LYRM9: variants seen among roughly 807,000 people sequenced by gnomAD.
The protein encoded by LYRM9 is LYR motif containing 9.
Under a neutral mutation model 12.6 loss-of-function variants are expected in LYRM9, and 14 were observed. That is an observed-to-expected ratio of 1.11 (90% CI 0.73 to 1.73). The LOEUF is 1.73. Among genes scored for constraint, LYRM9 ranks in the 40% most tolerant of loss-of-function variants. The pLI is 0.00. For synonymous variants in LYRM9, 42 were observed against 35.1 expected, an observed-to-expected ratio of 1.20 and a Z score of -0.69; for missense variants, 94 against 95.0, an observed-to-expected ratio of 0.99 and a Z score of 0.04.
Position 27,882,771 on chromosome 17 carries a change from AC to A in LYRM9, c.-18-60del, listed in dbSNP as rs572489508. 705 of 1,488,258 alleles carry A rather than the reference AC, an allele frequency of 4.7e-4. 5 individuals carry two copies. The African/African-American group carries it at 8.9e-3, about 19-fold the overall frequency. 92.2% of individuals were successfully genotyped at this position (1,488,258 alleles called of 1,614,324 possible). The stretch of plus-strand genomic sequence containing the variant: ...AAGCCAAGTTCAGTACTCAGCCCTG[AC>A]CCCCAGTTCCCAGTACTCTGGGAAG... On this transcript the variant is annotated intron_variant, in intron 1 of 3. Coordinates refer to ENST00000379102, the MANE Select transcript of LYRM9 (RefSeq NM_001076680.3).
chr17:27,880,587 G>A, intron 2 of LYRM9: 1 of 572,608 alleles, frequency 1.7e-6, no homozygotes, highest in South Asian at 2.2e-5. Context: ...TGACTGCAAA[G>A]CATGTACTCC....
chr17:27,887,713 G>GGGGGGT (rs1485417792), intron 1 of LYRM9, among the ~76,000 whole-genome samples: 5 of 86,730 alleles, frequency 5.8e-5, no homozygotes, highest in African/African-American at 8.4e-5. Flanking sequence ...TAGGAGGGAG[G>GGGGGGT]GTGTGTGTGT....
chr17:27,879,712 G>T (rs1183629016), intron 3 of LYRM9: 4 of 559,500 alleles, frequency 7.1e-6, no homozygotes, highest in Non-Finnish European at 1.3e-5. Context: ...GGCTGGGGAG[G>T]GAGGATAGTG....
At chr17:27,882,040 C>T (rs1158350335) in intron 2 of LYRM9, among the ~76,000 whole-genome samples, 1 of 152,176 alleles carries the variant, frequency 6.6e-6, no homozygotes, top group Non-Finnish European at 1.5e-5. Context: ...CAGACATGAG[C>T]CACCATGCCT....
At chr17:27,879,881 A>C (rs1904983834) in intron 3 of LYRM9, 1 of 579,668 alleles carries the variant, frequency 1.7e-6, no homozygotes, top group African/African-American at 1.9e-5. Context: ...TTTCCTCCAT[A>C]ATTCTGCCCC....
intron 1 of LYRM9, 48 bp downstream of exon 1, chr17:27,893,269 T>TGCCCCCGC (rs1455328803): frequency 6.5e-5 from 10 of 153,144 alleles, no homozygotes; most frequent in South Asian, 3.7e-4. Context: ...CGGCCGCCGC[T>TGCCCCCGC]GCCCCCGCGC....
chr17:27,881,587 G>A (rs555171716), intron 2 of LYRM9, among the ~76,000 whole-genome samples: 53 of 152,158 alleles, frequency 3.5e-4, no homozygotes, highest in African/African-American at 1.2e-3. Context: ...TGCTACACTC[G>A]CTTTATCATT....
intron 1 of LYRM9, chr17:27,883,119 A>T (rs1365526939): frequency 8.9e-6 from 4 of 447,222 alleles, no homozygotes; most frequent in Non-Finnish European, 1.9e-5. Flanking sequence ...GAGAATGCCT[A>T]CAGGCCTGAG....
intron 2 of LYRM9, among the ~76,000 whole-genome samples, chr17:27,882,348 C>T (rs1905087996): frequency 6.6e-6 from 1 of 152,220 alleles, no homozygotes; most frequent in African/African-American, 2.4e-5. Context: ...TTAGCTGCCT[C>T]ATGCATGCCC....
At chr17:27,882,737 C>T (rs372285141) in intron 1 of LYRM9, 25 bp from the exon 2 acceptor site, 12 of 1,552,864 alleles carry the variant, frequency 7.7e-6, no homozygotes, top group East Asian at 7.0e-5. Flanking sequence ...GGATCACTTC[C>T]AGGGCATCAA....
At position 27,886,718 on chromosome 17, in the gene LYRM9, C is replaced by T. The variant is rs1905245765; in HGVS notation, c.-18-4006G>A. ...AGGCTGGAGTGCAATGGCGCAATCT[C>T]GACCGCAACCTCCGCCTCCTGGGTT... On this transcript the variant is annotated intron_variant, in intron 1 of 3. Transcript: ENST00000379102. This position sits in a 1 kb window ranked among gnomAD's most constrained non-coding sequence, Gnocchi z 4.8. 6.6e-6 allele frequency among the ~76,000 whole-genome samples: 1 copy of T among 150,804 alleles called. No individual in the cohort carries two copies. The highest frequency in any genetic ancestry group is 3.2e-3 in the Middle Eastern group (1 of 310).
At position 27,879,218 on chromosome 17, in the gene LYRM9, A is replaced by C. The variant is rs750189585; in HGVS notation, c.*255T>G. ...AAAAGAACAAAAACACAAAAATAAA[A>C]AACACACAAAAGAAGCAAAAAAATA... On this transcript the variant is annotated 3_prime_UTR_variant, in exon 4 of 4. Coordinates refer to ENST00000379102, the MANE Select transcript of LYRM9 (RefSeq NM_001076680.3). The C allele has an allele frequency of 7.0e-6, 3 of 430,994 alleles. No individual in the cohort carries two copies. The highest frequency in any genetic ancestry group is 1.2e-5 in the Non-Finnish European group (3 of 242,794). 26.7% of individuals were successfully genotyped at this position (430,994 alleles called of 1,614,324 possible).
chr17:27,885,252 C>T (rs889384807), intron 1 of LYRM9, among the ~76,000 whole-genome samples: 1 of 152,222 alleles, frequency 6.6e-6, no homozygotes, highest in African/African-American at 2.4e-5. Flanking sequence ...ATCGCAACAC[C>T]TCTGCAGAAG....
chr17:27,886,857 G>C lies in LYRM9; in HGVS notation c.-18-4145C>G, dbSNP rs1199428555. 2.0e-5 allele frequency among the ~76,000 whole-genome samples: 3 copies of C among 151,482 alleles called. No homozygotes were observed. Among genetic ancestry groups the C allele is most frequent in the Non-Finnish European group, 4.4e-5 (3 of 67,936 alleles). On this transcript the variant is annotated intron_variant, in intron 1 of 3. Coordinates refer to ENST00000379102, the MANE Select transcript of LYRM9 (RefSeq NM_001076680.3). The surrounding 1 kb of genome is among the most constrained non-coding windows in gnomAD (Gnocchi z 4.8). ...GATGGGGTTTCTCCCTGTTGGTCAG[G>C]CTGGTCTCAAACTCCCGACCTCAGG...
intron 1 of LYRM9, chr17:27,892,412 A>G (rs1363879645): frequency 8.8e-6 from 4 of 456,174 alleles, no homozygotes; most frequent in Non-Finnish European, 1.8e-5. Flanking sequence ...GAACCATAAC[A>G]GAAGTTCCAT....
intron 1 of LYRM9, among the ~76,000 whole-genome samples, chr17:27,889,164 C>A (rs1905336755): frequency 6.6e-6 from 1 of 152,146 alleles, no homozygotes; most frequent in Non-Finnish European, 1.5e-5. Flanking sequence ...ATGCTCTGAC[C>A]AACTCCACAG....
intron 1 of LYRM9, among the ~76,000 whole-genome samples, chr17:27,888,964 G>A (rs1041579437): frequency 6.6e-6 from 1 of 152,116 alleles, no homozygotes; most frequent in African/African-American, 2.4e-5. Flanking sequence ...CTCCTCCCAA[G>A]CCCAGCTTTT....
Position 27,880,287 on chromosome 17 carries a change from C to A in LYRM9, c.206G>T (p.Trp69Leu). 1 of 1,608,716 alleles carries A rather than the reference C, an allele frequency of 6.2e-7. No homozygotes were observed. The highest frequency in any genetic ancestry group is 8.5e-7 in the Non-Finnish European group (1 of 1,177,332). Reference sequence around the variant, plus strand: ...CCAAGCACCTACTTTGTTCATGATCCAGTCAGCATCTTCAATGGCTCTTTT... The same window carrying A: ...CCAAGCACCTACTTTGTTCATGATCAAGTCAGCATCTTCAATGGCTCTTTT... Reference protein sequence around the residue: ...IIKRAIEDADWIMNKYKKQN With the variant: ...IIKRAIEDADLIMNKYKKQN The change falls in exon 3 of 4, where the codon TGG becomes TTG. Residue 69 changes from tryptophan (W) to leucine (L), a missense_variant. Trp to Leu is a moderately conservative substitution (Grantham distance 61). Coordinates refer to ENST00000379102, the MANE Select transcript of LYRM9 (RefSeq NM_001076680.3).
At position 27,878,813 on chromosome 17, in the gene LYRM9, T is replaced by C. The variant is rs1368756925; in HGVS notation, c.*660A>G. 1 of 152,380 alleles carries C rather than the reference T, an allele frequency of 6.6e-6. No homozygotes were observed. The highest frequency in any genetic ancestry group is 1.5e-5 in the Non-Finnish European group (1 of 68,120). 9.4% of individuals were successfully genotyped at this position (152,380 alleles called of 1,614,324 possible). On this transcript the variant is annotated 3_prime_UTR_variant, in exon 4 of 4. Coordinates refer to ENST00000379102, the MANE Select transcript of LYRM9 (RefSeq NM_001076680.3). Reference sequence around the variant, plus strand: ...ACAGTAGTCAGGAAAAGCAGCTCCTTGGCAGACTGCTGGGTGTGTGACAAC... The same window carrying C: ...ACAGTAGTCAGGAAAAGCAGCTCCTCGGCAGACTGCTGGGTGTGTGACAAC...
Sources: gnomAD v4.1 joint callset for allele counts (sites outside exome capture counted in the v4.1 genomes callset) on GRCh38, gnomAD v4.1.1 for gene constraint, Gnocchi (gnomAD v3.1) non-coding constraint, MANE v1.5 for transcripts, NCBI Gene and HGNC (gene_info 2026-07-23, HGNC 2026-07-21) for gene names.